The following F10 variants were observed in gnomAD, a reference collection of about 807,000 sequenced individuals.
F10 encodes coagulation factor X.
Under a neutral mutation model 37.1 loss-of-function variants are expected in F10, and 29 were observed. The observed-to-expected ratio is 0.78, with a 90% confidence interval of 0.58 to 1.07. The LOEUF is 1.07. F10 is among the 50% of genes least tolerant of loss of function. F10 has a pLI of 0.00. For missense variants in F10, 539 were observed against 667.9 expected (o/e 0.81, Z 2.13); for synonymous variants, 262 against 268.6 (o/e 0.98, Z 0.24).
intron 5 of F10, among the ~76,000 whole-genome samples, chr13:113,142,274 G>T (rs1330717312): frequency 6.6e-6 from 1 of 152,142 alleles, no homozygotes; most frequent in Non-Finnish European, 1.5e-5. Flanking sequence ...GGGTGCAGTA[G>T]CTCATGCCTG....
At chr13:113,138,298 C>T (rs1182049293) in intron 2 of F10, among the ~76,000 whole-genome samples, 159 bp from the exon 3 acceptor site, 1 of 152,180 alleles carries the variant, frequency 6.6e-6, no homozygotes, top group African/African-American at 2.4e-5. Flanking sequence ...GAATAGCTTT[C>T]CTCTTTAGAT....
chr13:113,145,528 C>T (rs369132478), intron 6 of F10, among the ~76,000 whole-genome samples: 85 of 152,022 alleles, frequency 5.6e-4, no homozygotes, highest in African/African-American at 1.9e-3. Flanking sequence ...CATACATATG[C>T]GAAAAATTAT....
rs183422263 is a variant in F10, at chr13:113,144,972, A to G, written c.747+877A>G. Reference sequence around the variant, plus strand: ...CGGCTCACTGCAACCTCCACCTCCCAGGTTCATGTCATTCTCCTGCTTCAG... The same window carrying G: ...CGGCTCACTGCAACCTCCACCTCCCGGGTTCATGTCATTCTCCTGCTTCAG... On this transcript the variant is annotated intron_variant, in intron 6 of 7. Coordinates refer to ENST00000375559, the MANE Select transcript of F10 (RefSeq NM_000504.4). This position sits in a 1 kb window ranked among gnomAD's most constrained non-coding sequence, Gnocchi z 6.4. Among the ~76,000 whole-genome samples the G allele has an allele frequency of 4.0e-4, 60 of 150,758 alleles. No homozygotes were observed. In the East Asian group the frequency reaches 9.8e-3, roughly 25 times the overall value.
chr13:113,133,308 AAAAC>A lies in F10; in HGVS notation c.231+3708_231+3711del, dbSNP rs1043665338. On this transcript the variant is annotated intron_variant, in intron 2 of 7. Transcript: ENST00000375559. ...AACTCAAACAAGACTGACAGGAATA[AAAAC>A]AAACAAACAAAAACAAGAAAAAGGA... Among the ~76,000 whole-genome samples, 7 of 152,304 alleles carry A rather than the reference AAAAC, an allele frequency of 4.6e-5. No individual in the cohort carries two copies. The East Asian group carries it at 7.7e-4, about 17-fold the overall frequency.
chr13:113,133,256 T>C (rs1319964365), intron 2 of F10, among the ~76,000 whole-genome samples: 1 of 150,988 alleles, frequency 6.6e-6, no homozygotes, highest in Non-Finnish European at 1.5e-5. Context: ...AAAACAAAAA[T>C]AATAGACAAA....
intron 2 of F10, among the ~76,000 whole-genome samples, chr13:113,132,411 G>C (rs942919888): frequency 3.3e-5 from 5 of 152,068 alleles, no homozygotes; most frequent in Non-Finnish European, 1.5e-5. Flanking sequence ...TTCAGAGTTT[G>C]GCCATATAAG....
Position 113,146,875 on chromosome 13 carries a change from A to G in F10, c.748-504A>G, listed in dbSNP as rs473598. 0.73 allele frequency among the ~76,000 whole-genome samples: 110,580 copies of G among 151,968 alleles called. 42,342 individuals are homozygous for G. The highest frequency in any genetic ancestry group is 0.86 in the Non-Finnish European group (58,767 of 67,958). On this transcript the variant is annotated intron_variant, in intron 6 of 7. Coordinates refer to ENST00000375559, the MANE Select transcript of F10 (RefSeq NM_000504.4). The surrounding 1 kb of genome is among the most constrained non-coding windows in gnomAD (Gnocchi z 4.5). ...CTGGGACCGTGTTCCAAGTCCTGGC[A>G]GGTAGGAGACCCTTCACAGGAGCTG...
At chr13:113,128,100 A>G (rs1000935800) in intron 1 of F10, 1 of 152,262 alleles carries the variant, frequency 6.6e-6, no homozygotes, top group Admixed American at 6.5e-5. Flanking sequence ...ATTTCCCTCC[A>G]CAGCCCCCAA....
intron 2 of F10, among the ~76,000 whole-genome samples, chr13:113,137,735 G>A (rs1013020965): frequency 2.6e-5 from 4 of 152,082 alleles, no homozygotes; most frequent in South Asian, 2.1e-4. Context: ...CGGACGCGTC[G>A]CTCCTGTCTC....
Position 113,144,947 on chromosome 13 carries a change from C to T in F10, c.747+852C>T, listed in dbSNP as rs373637545. Among the ~76,000 whole-genome samples, 131 of 151,976 alleles carry T rather than the reference C, an allele frequency of 8.6e-4. No homozygotes were observed. The highest frequency in any genetic ancestry group is 2.5e-3 in the African/African-American group (103 of 41,392). Reference sequence around the variant, plus strand: ...AGGCTGGAGTGCAGTGGCGCGATCTCGGCTCACTGCAACCTCCACCTCCCA... The same window carrying T: ...AGGCTGGAGTGCAGTGGCGCGATCTTGGCTCACTGCAACCTCCACCTCCCA... On this transcript the variant is annotated intron_variant, in intron 6 of 7. Coordinates refer to ENST00000375559, the MANE Select transcript of F10 (RefSeq NM_000504.4). The surrounding 1 kb of genome is among the most constrained non-coding windows in gnomAD (Gnocchi z 6.4).
In F10 at chr13:113,136,903, G is replaced by C. The variant is rs529403661; in HGVS notation, c.232-1554G>C. Among the ~76,000 whole-genome samples the C allele has an allele frequency of 4.0e-5, 2 of 50,284 alleles. 1 individual carries two copies. Among genetic ancestry groups the C allele is most frequent in the Non-Finnish European group, 1.0e-4 (2 of 19,188 alleles). The allele number at this position is 50,284 out of a possible 152,430, so 33.0% of individuals were successfully genotyped here. A position where few individuals can be genotyped will look rare whatever the true frequency, so the allele number is the denominator to read the frequency against. On this transcript the variant is annotated intron_variant, in intron 2 of 7. Coordinates refer to ENST00000375559, the MANE Select transcript of F10 (RefSeq NM_000504.4). ...CTGACCTCGTGATCCGCCCGCCTCGGCCTCCCAAAGTGCTGGGATTACAGG... is the reference window on the plus strand; with the variant it reads ...CTGACCTCGTGATCCGCCCGCCTCGCCCTCCCAAAGTGCTGGGATTACAGG...
At position 113,123,019 on chromosome 13, in the gene F10, G is replaced by A. The variant is rs879138874; in HGVS notation, c.70+94G>A. 52 of 1,415,652 alleles carry A rather than the reference G, an allele frequency of 3.7e-5. 1 individual carries two copies. In the South Asian group the frequency reaches 4.8e-4, roughly 13 times the overall value. The allele number at this position is 1,415,652 out of a possible 1,614,324, so 87.7% of individuals were successfully genotyped here. A position where few individuals can be genotyped will look rare whatever the true frequency, so the allele number is the denominator to read the frequency against. On this transcript the variant is annotated intron_variant, in intron 1 of 7. Coordinates refer to ENST00000375559, the MANE Select transcript of F10 (RefSeq NM_000504.4). ...ACCCTCTCATCTCTGCAGCCTGGAC[G>A]GTGGGTGCCTTGAGTGCTGCCAGAG...
rs543313014 is a variant in F10, at chr13:113,143,531, C to T, written c.503-320C>T. On this transcript the variant is annotated intron_variant, in intron 5 of 7. Transcript: ENST00000375559. The surrounding 1 kb of genome is among the most constrained non-coding windows in gnomAD (Gnocchi z 6.8). ...CCCGGCCCGTTTGTCTCTGTCCATC[C>T]GTCAAGCTTTCTTGACTTCTTGGTG... Among the ~76,000 whole-genome samples, 36 of 152,286 alleles carry T rather than the reference C, an allele frequency of 2.4e-4. 1 individual carries two copies. Among genetic ancestry groups the T allele is most frequent in the Admixed American group, 2.1e-3 (32 of 15,306 alleles).
rs1566916001 is a variant in F10 at position 113,129,951 on chromosome 13, C to G, written c.231+339C>G. 8.5e-6 allele frequency: 3 copies of G among 354,394 alleles called. No individual in the cohort carries two copies. The East Asian group carries it at 2.2e-4, about 26-fold the overall frequency. 22.0% of individuals were successfully genotyped at this position (354,394 alleles called of 1,614,324 possible). A position where few individuals can be genotyped will look rare whatever the true frequency, so the allele number is the denominator to read the frequency against. The stretch of plus-strand genomic sequence containing the variant: ...AGTCATGGTCTCGGCCAGCGCCTCG[C>G]CGAGTTGCAGTGAGCTGAGATCGTG... On this transcript the variant is annotated intron_variant, in intron 2 of 7. Coordinates refer to ENST00000375559, the MANE Select transcript of F10 (RefSeq NM_000504.4).
intron 5 of F10, among the ~76,000 whole-genome samples, chr13:113,142,109 A>C (rs1391453767): frequency 6.6e-6 from 1 of 152,270 alleles, no homozygotes; most frequent in Non-Finnish European, 1.5e-5. Context: ...CATCTCAGCA[A>C]GTGAAAGACA....
Position 113,141,097 on chromosome 13 carries a change from C to T in F10, c.502+47C>T, listed in dbSNP as rs772763925. The T allele has an allele frequency of 1.9e-6, 3 of 1,609,370 alleles. No homozygotes were observed. Among genetic ancestry groups the T allele is most frequent in the South Asian group, 2.2e-5 (2 of 90,990 alleles). ...AGCCACCCGCTGCCGCTGGGCCGGG[C>T]CAGGGAGGACAAGCCCGTGCCAGGG... is the stretch of plus-strand genomic sequence containing the variant. On this transcript the variant is annotated intron_variant, in intron 5 of 7. Coordinates refer to ENST00000375559, the MANE Select transcript of F10 (RefSeq NM_000504.4). This position sits in a 1 kb window ranked among gnomAD's most constrained non-coding sequence, Gnocchi z 5.4.
In F10 at chr13:113,148,929, G is replaced by A. The variant is rs771636309; in HGVS notation, c.879G>A (p.Thr293=). Reference sequence around the variant, plus strand: ...CGTCTGTCCCAGGGGACCGGAACACGGAGCAGGAGGAGGGCGGTGAGGCGG... The same window carrying A: ...CGTCTGTCCCAGGGGACCGGAACACAGAGCAGGAGGAGGGCGGTGAGGCGG... The part of the protein sequence containing the change: ...RFKVRVGDRN[T]EQEEGGEAVH... The change falls in exon 8 of 8, where the codon ACG becomes ACA. Residue 293 remains threonine, a synonymous_variant. Transcript: ENST00000375559. 88 of 1,613,280 alleles carry A rather than the reference G, an allele frequency of 5.5e-5. No individual in the cohort carries two copies. The highest frequency in any genetic ancestry group is 1.6e-4 in the Middle Eastern group (1 of 6,084).
intron 1 of F10, among the ~76,000 whole-genome samples, chr13:113,125,501 G>A (rs1443587672): frequency 2.0e-5 from 3 of 152,220 alleles, no homozygotes; most frequent in Non-Finnish European, 4.4e-5. Flanking sequence ...CACGACAAAT[G>A]TCTACCAATC....
Position 113,149,106 on chromosome 13 carries a change from G to T in F10, c.1056G>T (p.Thr352=), listed in dbSNP as rs200374637. 6.2e-7 allele frequency: 1 copy of T among 1,612,960 alleles called. No individual in the cohort carries two copies. The highest frequency in any genetic ancestry group is 1.1e-5 in the South Asian group (1 of 91,074). Residue 352 remains threonine (T), a synonymous_variant, in exon 8 of 8, where the codon ACG becomes ACT. Coordinates refer to ENST00000375559, the MANE Select transcript of F10 (RefSeq NM_000504.4). The surrounding 1 kb of genome is among the most constrained non-coding windows in gnomAD (Gnocchi z 7.5). ...CCGAGCGTGACTGGGCCGAGTCCAC[G>T]CTGATGACGCAGAAGACGGGGATTG... ...CLPERDWAES[T]LMTQKTGIVS...
Sources: allele counts gnomAD v4.1 joint callset (sites outside exome capture counted in the v4.1 genomes callset), GRCh38; gene constraint gnomAD v4.1.1; non-coding constraint Gnocchi (gnomAD v3.1); transcripts MANE v1.5; gene names NCBI Gene and HGNC (gene_info 2026-07-23, HGNC 2026-07-21).